The following TCAF1 variants were observed in gnomAD, a reference collection of about 807,000 sequenced individuals.
The protein encoded by TCAF1 is TRPM8 channel associated factor 1.
TCAF1 carries 4 observed loss-of-function variants against 27.3 expected under a neutral mutation model. That is an observed-to-expected ratio of 0.15 (90% CI 0.07 to 0.34). The LOEUF (loss-of-function observed/expected upper bound fraction) is 0.34. Ranked by LOEUF, TCAF1 falls within the 10% of genes least tolerant of loss-of-function variation. TCAF1 has a pLI of 1.00. For missense variants in TCAF1, 257 were observed against 425.8 expected, an observed-to-expected ratio of 0.60 and a Z score of 3.49; for synonymous variants, 105 against 167.1, an observed-to-expected ratio of 0.63 and a Z score of 2.87.
intron 1 of TCAF1, among the ~76,000 whole-genome samples, chr7:143,881,035 C>T (rs1374223127): frequency 1.3e-5 from 2 of 152,200 alleles, no homozygotes; most frequent in African/African-American, 2.4e-5. Flanking sequence ...GAAGGCACAA[C>T]CTGTAACTCA....
chr7:143,893,790 G>C (rs1479484721), intron 1 of TCAF1, among the ~76,000 whole-genome samples: 2 of 151,424 alleles, frequency 1.3e-5, no homozygotes, highest in African/African-American at 4.8e-5. Context: ...ACTTAATAAA[G>C]GAAAACTCTA....
At chr7:143,859,988 ATATATAT>A (rs1811882151) in intron 6 of TCAF1, among the ~76,000 whole-genome samples, 2 of 6,708 alleles carry the variant, frequency 3.0e-4, no homozygotes, top group Non-Finnish European at 1.1e-3. Flanking sequence ...ATATTATATA[ATATATAT>A]TATATAATAT....
intron 1 of TCAF1, among the ~76,000 whole-genome samples, chr7:143,897,486 C>A (rs1813937660): frequency 6.6e-6 from 1 of 151,958 alleles, no homozygotes; most frequent in Non-Finnish European, 1.5e-5. Flanking sequence ...GACTTCCACT[C>A]ATTAGTAGGC....
intron 1 of TCAF1, chr7:143,882,574 A>G (rs1339187997): frequency 2.0e-6 from 2 of 984,918 alleles, no homozygotes; most frequent in Admixed American, 6.1e-5. Context: ...TCTGTCCCCG[A>G]TGATTTCTGA....
At chr7:143,875,598 T>G (rs1240125568) in intron 2 of TCAF1, among the ~76,000 whole-genome samples, 2 of 152,176 alleles carry the variant, frequency 1.3e-5, no homozygotes, top group African/African-American at 4.8e-5. Context: ...TCCCCACACC[T>G]CTCTAGGCTT....
intron 6 of TCAF1, among the ~76,000 whole-genome samples, chr7:143,859,880 CATATATATA>C (rs1476432945): frequency 2.4e-5 from 2 of 84,982 alleles, no homozygotes; most frequent in Non-Finnish European, 4.1e-5. Flanking sequence ...TACATATATA[CATATATATA>C]ATATATATTA....
chr7:143,900,510 A>C (rs1814069288), intron 1 of TCAF1, among the ~76,000 whole-genome samples: 1 of 152,026 alleles, frequency 6.6e-6, no homozygotes, highest in Admixed American at 6.5e-5. Flanking sequence ...TAAGCCTGGG[A>C]GAGGTCCTCG....
intron 6 of TCAF1, among the ~76,000 whole-genome samples, 181 bp downstream of exon 6, chr7:143,860,027 T>TG (rs1491476913): frequency 1.2e-4 from 3 of 24,366 alleles, no homozygotes; most frequent in Admixed American, 6.5e-4. Flanking sequence ...ATATTATATA[T>TG]TATATATATA....
chr7:143,887,265 C>A (rs907594559), intron 1 of TCAF1, among the ~76,000 whole-genome samples: 3 of 152,040 alleles, frequency 2.0e-5, no homozygotes, highest in African/African-American at 7.2e-5. Context: ...AAATCCATAT[C>A]AAAAATATTA....
intron 1 of TCAF1, among the ~76,000 whole-genome samples, chr7:143,892,593 T>A (rs890971055): frequency 2.0e-5 from 3 of 150,974 alleles, no homozygotes; most frequent in African/African-American, 7.3e-5. Flanking sequence ...AGTGGTGCGA[T>A]CTTGGCTCAC....
intron 1 of TCAF1, among the ~76,000 whole-genome samples, chr7:143,884,211 A>G (rs532617708): frequency 2.0e-5 from 3 of 152,294 alleles, no homozygotes; most frequent in Non-Finnish European, 4.4e-5. Context: ...AGGAAAATGC[A>G]TACCTTTTAA....
intron 1 of TCAF1, among the ~76,000 whole-genome samples, chr7:143,899,779 G>A (rs1814038003): frequency 1.3e-5 from 2 of 152,088 alleles, no homozygotes; most frequent in African/African-American, 2.4e-5. Flanking sequence ...TATAAAGAAA[G>A]CATTCCAATG....
At chr7:143,880,551 T>G (rs1408561448) in intron 1 of TCAF1, among the ~76,000 whole-genome samples, 1 of 152,230 alleles carries the variant, frequency 6.6e-6, no homozygotes, top group Admixed American at 6.5e-5. Context: ...TTGTATGTAT[T>G]GCTACTACAA....
At position 143,870,534 on chromosome 7, in the gene TCAF1, G is replaced by C. The variant is rs1317302300; in HGVS notation, c.620+5455C>G. 3.3e-5 allele frequency among the ~76,000 whole-genome samples: 5 copies of C among 151,986 alleles called. No individual in the cohort carries two copies. The East Asian group carries it at 7.8e-4, about 24-fold the overall frequency. On this transcript the variant is annotated intron_variant, in intron 2 of 8. Coordinates refer to ENST00000479870, the MANE Select transcript of TCAF1 (RefSeq NM_014719.3). The stretch of plus-strand genomic sequence containing the variant: ...TTAGGAATTTTTCAGATATGTTATT[G>C]AATTCTAATTTAATTCCACTGTGAT...
intron 1 of TCAF1, chr7:143,882,316 A>G (rs1813091229): frequency 1.2e-6 from 1 of 815,750 alleles, no homozygotes. Flanking sequence ...GTAGGACAGT[A>G]GGCCACAAGT....
intron 6 of TCAF1, among the ~76,000 whole-genome samples, chr7:143,859,956 CGGAATATATATTAT>C (rs1811852470): frequency 7.2e-5 from 3 of 41,948 alleles, no homozygotes; most frequent in African/African-American, 2.5e-4. Context: ...ATATATATTA[CGGAATATATATTAT>C]ATAATATATA....
intron 1 of TCAF1, chr7:143,882,858 C>A: frequency 1.0e-6 from 1 of 985,612 alleles, no homozygotes; most frequent in South Asian, 4.7e-5. Context: ...GATTTGGGAG[C>A]GGGGAGGAGG....
intron 1 of TCAF1, among the ~76,000 whole-genome samples, chr7:143,891,082 C>T (rs1813617663): frequency 6.6e-6 from 1 of 152,148 alleles, no homozygotes; most frequent in African/African-American, 2.4e-5. Context: ...GGAGAAAGAT[C>T]AAACCTTAAA....
intron 7 of TCAF1, among the ~76,000 whole-genome samples, 160 bp downstream of exon 7, chr7:143,858,664 A>T (rs1811667865): frequency 6.6e-6 from 1 of 152,154 alleles, no homozygotes; most frequent in Non-Finnish European, 1.5e-5. Flanking sequence ...GACATCATCA[A>T]TACGACTGTC....
Sources: allele counts gnomAD v4.1 joint callset (sites outside exome capture counted in the v4.1 genomes callset), GRCh38; gene constraint gnomAD v4.1.1; transcripts MANE v1.5; gene names NCBI Gene and HGNC (gene_info 2026-07-23, HGNC 2026-07-21).